Variants in ASTN2 observed in about 807,000 individuals in gnomAD.
ASTN2 encodes the protein astrotactin-2.
Under a neutral mutation model 139.8 loss-of-function variants are expected in ASTN2, and 54 were observed. The ratio of observed to expected loss-of-function variants is 0.39; its 90% CI spans 0.31 to 0.48. The LOEUF (loss-of-function observed/expected upper bound fraction) is 0.48, where lower values mean the gene tolerates loss of function less well. ASTN2 is among the 20% of genes least tolerant of loss of function. ASTN2 has a pLI of 0.95. For synonymous variants in ASTN2, 756 were observed against 719.5 expected, an observed-to-expected ratio of 1.05 and a Z score of -0.81; for missense variants, 1,565 against 1,725.1, an observed-to-expected ratio of 0.91 and a Z score of 1.64.
intron 2 of ASTN2, among the ~76,000 whole-genome samples, chr9:117,287,710 C>A (rs1834485227): frequency 6.6e-6 from 1 of 152,158 alleles, no homozygotes; most frequent in Non-Finnish European, 1.5e-5. Context: ...CTAGATCAGG[C>A]AGCAAAATAG....
At chr9:117,359,972 A>G (rs1222467413) in intron 1 of ASTN2, among the ~76,000 whole-genome samples, 2 of 152,188 alleles carry the variant, frequency 1.3e-5, no homozygotes, top group African/African-American at 4.8e-5. Context: ...TCTCAGAAGG[A>G]ATAAACCCAA....
At chr9:116,476,741 C>T (rs1848993684) in intron 20 of ASTN2, among the ~76,000 whole-genome samples, 1 of 152,208 alleles carries the variant, frequency 6.6e-6, no homozygotes, top group Admixed American at 6.5e-5. Context: ...AGCACATTCG[C>T]TAATCAGAGC....
chr9:116,751,766 T>A (rs1829409427), intron 13 of ASTN2, among the ~76,000 whole-genome samples: 1 of 152,074 alleles, frequency 6.6e-6, no homozygotes, highest in Non-Finnish European at 1.5e-5. Context: ...TTTACATTAG[T>A]ACCAAAAAAT....
intron 12 of ASTN2, among the ~76,000 whole-genome samples, chr9:116,807,539 T>TAA (rs935165088): frequency 4.6e-5 from 7 of 152,340 alleles, no homozygotes; most frequent in South Asian, 4.1e-4. Flanking sequence ...AGAGCCTTGG[T>TAA]AAAGTATATC....
At chr9:116,597,358 A>C (rs1854642408) in intron 19 of ASTN2, among the ~76,000 whole-genome samples, 1 of 118,904 alleles carries the variant, frequency 8.4e-6, no homozygotes, top group Non-Finnish European at 1.6e-5. Context: ...GCCAGGCTGG[A>C]GTGCAGTGGT....
At chr9:116,582,876 A>G (rs1261385596) in intron 19 of ASTN2, 1 of 152,198 alleles carries the variant, frequency 6.6e-6, no homozygotes, top group Non-Finnish European at 1.5e-5. Context: ...CTGTTTTCTT[A>G]TCCCTCTGAG....
chr9:116,820,592 C>CG, intron 12 of ASTN2, 25 bp downstream of exon 12: 1 of 1,606,078 alleles, frequency 6.2e-7, no homozygotes. Flanking sequence ...AATGGGGCAC[C>CG]TGGGCCTTGG....
chr9:117,224,523 C>T (rs967551331), intron 2 of ASTN2, among the ~76,000 whole-genome samples: 2 of 152,182 alleles, frequency 1.3e-5, no homozygotes, highest in African/African-American at 4.8e-5. Flanking sequence ...TGATCCCTTC[C>T]CCTCTTTGGG....
At chr9:116,828,340 G>A (rs1381203696) in intron 11 of ASTN2, among the ~76,000 whole-genome samples, 1 of 149,872 alleles carries the variant, frequency 6.7e-6, no homozygotes, top group Non-Finnish European at 1.5e-5. Flanking sequence ...GAATCCAACA[G>A]CACATCAGAA....
chr9:117,131,293 A>G (rs958908121), intron 4 of ASTN2, among the ~76,000 whole-genome samples: 3 of 152,128 alleles, frequency 2.0e-5, no homozygotes, highest in African/African-American at 7.2e-5. Context: ...TTTGGAGTTT[A>G]GGCACAACTG....
At chr9:117,081,810 C>T (rs186659608) in intron 5 of ASTN2, among the ~76,000 whole-genome samples, 7 of 152,146 alleles carry the variant, frequency 4.6e-5, no homozygotes, top group South Asian at 4.2e-4. Context: ...AATCTGAGAA[C>T]GGTCCCTGCT....
At chr9:117,331,445 T>C (rs1828703907) in intron 1 of ASTN2, among the ~76,000 whole-genome samples, 1 of 152,136 alleles carries the variant, frequency 6.6e-6, no homozygotes, top group Non-Finnish European at 1.5e-5. Flanking sequence ...GAATATCAAT[T>C]GAGCCTCGGT....
chr9:116,459,211 G>A (rs1275142284), intron 20 of ASTN2, among the ~76,000 whole-genome samples: 9 of 151,956 alleles, frequency 5.9e-5, no homozygotes, highest in East Asian at 1.9e-4. Flanking sequence ...GGGTAGCCTC[G>A]TCAAGTGAAT....
chr9:117,176,756 G>C (rs1002277375), intron 3 of ASTN2, among the ~76,000 whole-genome samples: 48 of 152,038 alleles, frequency 3.2e-4, no homozygotes, highest in Admixed American at 2.0e-3. Context: ...AGCATAGCAA[G>C]ACTTCATCTC....
chr9:116,605,041 A>AGAG (rs1855116748), intron 19 of ASTN2, among the ~76,000 whole-genome samples: 1 of 146,218 alleles, frequency 6.8e-6, no homozygotes, highest in African/African-American at 2.4e-5. Flanking sequence ...GAATAAAAAG[A>AGAG]AGAGAGAGAG....
intron 19 of ASTN2, 118 bp downstream of exon 19, chr9:116,618,206 A>AT: frequency 8.8e-7 from 1 of 1,132,806 alleles, no homozygotes; most frequent in Non-Finnish European, 1.2e-6. Context: ...TCACTAAACA[A>AT]TGAAATCTTC....
At chr9:117,031,149 G>T (rs1838236447) in intron 6 of ASTN2, among the ~76,000 whole-genome samples, 1 of 152,150 alleles carries the variant, frequency 6.6e-6, no homozygotes, top group African/African-American at 2.4e-5. Flanking sequence ...GTGTGAATTT[G>T]ATTGGAGTTT....
intron 1 of ASTN2, among the ~76,000 whole-genome samples, chr9:117,362,635 T>C (rs935133922): frequency 6.6e-6 from 1 of 152,166 alleles, no homozygotes; most frequent in Non-Finnish European, 1.5e-5. Context: ...CTTCCTCTTG[T>C]AATGAGAAGT....
At chr9:116,447,065 C>T (rs1761420106) in intron 20 of ASTN2, among the ~76,000 whole-genome samples, 1 of 152,140 alleles carries the variant, frequency 6.6e-6, no homozygotes, top group African/African-American at 2.4e-5. Flanking sequence ...TGACCTTCCT[C>T]CCCACTCTGC....
Sources: gnomAD v4.1 joint callset for allele counts (sites outside exome capture counted in the v4.1 genomes callset) on GRCh38, gnomAD v4.1.1 for gene constraint, MANE v1.5 for transcripts, NCBI Gene and HGNC (gene_info 2026-07-23, HGNC 2026-07-21) for gene names.